NEGR1: variants seen among roughly 807,000 people sequenced by gnomAD.
NEGR1 encodes the protein IgLON family member 4.
Under a neutral mutation model 40.9 loss-of-function variants are expected in NEGR1, and 10 were observed. The ratio of observed to expected loss-of-function variants is 0.24; its 90% confidence interval spans 0.15 to 0.42. The LOEUF (loss-of-function observed/expected upper bound fraction) is 0.42, where lower values mean the gene tolerates loss of function less well. NEGR1 is among the 10% of genes least tolerant of loss of function. The pLI, the probability that NEGR1 is intolerant of heterozygous loss-of-function variation, is 1.00. For synonymous variants in NEGR1, 185 were observed against 166.8 expected, an observed-to-expected ratio of 1.11 and a Z score of -0.84; for missense variants, 352 against 438.9, an observed-to-expected ratio of 0.80 and a Z score of 1.77.
intron 3 of NEGR1, among the ~76,000 whole-genome samples, chr1:71,742,099 G>T (rs554267107): frequency 6.6e-6 from 1 of 152,228 alleles, no homozygotes; most frequent in Non-Finnish European, 1.5e-5. Flanking sequence ...CTCGTAAGAG[G>T]ATTAGTGCAC....
chr1:72,276,568 T>C (rs1656053814), intron 1 of NEGR1, among the ~76,000 whole-genome samples: 1 of 152,204 alleles, frequency 6.6e-6, no homozygotes, highest in African/African-American at 2.4e-5. Flanking sequence ...AATATTCCAT[T>C]TATTCATTTG....
chr1:71,788,334 T>A (rs574172000), intron 2 of NEGR1, among the ~76,000 whole-genome samples: 2 of 152,234 alleles, frequency 1.3e-5, no homozygotes, highest in Admixed American at 6.6e-5. Context: ...TGCATTCTCT[T>A]ATAATTCAAT....
intron 4 of NEGR1, among the ~76,000 whole-genome samples, chr1:71,635,624 C>A (rs1651122725): frequency 6.6e-6 from 1 of 152,068 alleles, no homozygotes; most frequent in Non-Finnish European, 1.5e-5. Context: ...CATGCCAGTC[C>A]ACACTGTAAA....
chr1:72,154,288 T>G (rs1203103950), intron 1 of NEGR1, among the ~76,000 whole-genome samples: 1 of 151,948 alleles, frequency 6.6e-6, no homozygotes, highest in Non-Finnish European at 1.5e-5. Flanking sequence ...CCGAATTCAC[T>G]AGACATTCAA....
intron 1 of NEGR1, among the ~76,000 whole-genome samples, chr1:72,268,928 T>C (rs1356968012): frequency 3.3e-5 from 5 of 151,466 alleles, no homozygotes; most frequent in African/African-American, 1.2e-4. Context: ...AGAAAAATAG[T>C]ACTGCACTGG....
At chr1:71,804,303 T>A (rs1657673350) in intron 2 of NEGR1, among the ~76,000 whole-genome samples, 1 of 152,136 alleles carries the variant, frequency 6.6e-6, no homozygotes, top group Admixed American at 6.6e-5. Context: ...TGTTGCAAGG[T>A]GAATTAATTA....
chr1:71,473,237 T>C (rs1033268), intron 6 of NEGR1, among the ~76,000 whole-genome samples: 110,922 of 152,000 alleles, frequency 0.73, 41,014 homozygotes, highest in Non-Finnish European at 0.77. Flanking sequence ...ACTTACATAT[T>C]TTATAACATT....
intron 1 of NEGR1, among the ~76,000 whole-genome samples, chr1:71,984,800 G>T (rs1221075398): frequency 1.3e-5 from 2 of 151,912 alleles, no homozygotes; most frequent in Non-Finnish European, 2.9e-5. Context: ...CAGTCACAAG[G>T]CCAGAATTCT....
intron 6 of NEGR1, among the ~76,000 whole-genome samples, chr1:71,536,415 G>T (rs144097957): frequency 6.6e-6 from 1 of 151,588 alleles, no homozygotes; most frequent in Non-Finnish European, 1.5e-5. Flanking sequence ...TCTTAGGCCT[G>T]CTCCCTCTTG....
chr1:71,725,825 CAAT>C (rs1377123112), intron 3 of NEGR1, among the ~76,000 whole-genome samples: 1 of 151,986 alleles, frequency 6.6e-6, no homozygotes, highest in African/African-American at 2.4e-5. Context: ...TTGAATAGAA[CAAT>C]ATTCTATGCC....
At chr1:71,942,469 ATATATATATATATATTTTTTTTT>A (rs1645970029) in intron 1 of NEGR1, among the ~76,000 whole-genome samples, 1 of 10,616 alleles carries the variant, frequency 9.4e-5, no homozygotes, top group African/African-American at 2.8e-4. Flanking sequence ...ATATATATAT[ATATATATATATATATTTTTTTTT>A]TTTTTTTTTT....
intron 6 of NEGR1, among the ~76,000 whole-genome samples, chr1:71,508,467 G>A (rs1023564267): frequency 4.0e-5 from 6 of 151,032 alleles, no homozygotes; most frequent in South Asian, 2.1e-4. Flanking sequence ...GCTACTATAC[G>A]AAAAGCAAAA....
chr1:71,449,992 ATT>A (rs71783919), intron 6 of NEGR1, among the ~76,000 whole-genome samples: 2,018 of 139,182 alleles, frequency 0.014, 29 homozygotes, highest in African/African-American at 0.051. Flanking sequence ...TTTTATATAG[ATT>A]TTTTTTTTTT....
chr1:71,790,500 C>T (rs567947447), intron 2 of NEGR1, among the ~76,000 whole-genome samples: 7 of 151,826 alleles, frequency 4.6e-5, no homozygotes, highest in South Asian at 2.1e-4. Flanking sequence ...ACACTGATGA[C>T]GGAACCAGGA....
At chr1:72,023,903 A>T (rs1035826751) in intron 1 of NEGR1, among the ~76,000 whole-genome samples, 1 of 152,136 alleles carries the variant, frequency 6.6e-6, no homozygotes. Context: ...TGTTTAAACA[A>T]AAGAATAATC....
chr1:72,194,561 A>C (rs1652934518), intron 1 of NEGR1, among the ~76,000 whole-genome samples: 1 of 152,008 alleles, frequency 6.6e-6, no homozygotes, highest in Non-Finnish European at 1.5e-5. Flanking sequence ...TCTGGGGGAT[A>C]GTAAAAACTG....
intron 1 of NEGR1, among the ~76,000 whole-genome samples, chr1:72,197,444 T>C (rs990766688): frequency 7.2e-5 from 11 of 151,994 alleles, no homozygotes; most frequent in Non-Finnish European, 1.5e-5. Flanking sequence ...TTTTAGTCTA[T>C]CACGTAACTT....
At chr1:72,281,799 A>T (rs1243086205) in intron 1 of NEGR1, among the ~76,000 whole-genome samples, 2 of 152,122 alleles carry the variant, frequency 1.3e-5, no homozygotes, top group Admixed American at 1.3e-4. Context: ...AAATGGTATA[A>T]GAGAATGAGG....
intron 1 of NEGR1, among the ~76,000 whole-genome samples, chr1:72,116,797 T>C (rs1030415727): frequency 3.3e-5 from 5 of 151,774 alleles, no homozygotes; most frequent in African/African-American, 1.2e-4. Flanking sequence ...TTTATTTTCA[T>C]CTATTTCTTT....
Sources: allele counts gnomAD v4.1 joint callset (sites outside exome capture counted in the v4.1 genomes callset), GRCh38; gene constraint gnomAD v4.1.1; transcripts MANE v1.5; gene names NCBI Gene and HGNC (gene_info 2026-07-23, HGNC 2026-07-21).